The following ST8SIA6 variants were observed in gnomAD, a reference collection of about 807,000 sequenced individuals.
The protein encoded by ST8SIA6 is alpha-2,8-sialyltransferase 8F.
In ST8SIA6, 39 loss-of-function variants were observed where a neutral mutation model predicts 33.6. That is an observed-to-expected ratio of 1.16 (90% CI 0.90 to 1.52). The LOEUF (loss-of-function observed/expected upper bound fraction) is 1.52, where lower values mean the gene tolerates loss of function less well. ST8SIA6 is among the 40% of genes most tolerant of loss of function. ST8SIA6 has a pLI of 0.00. For synonymous variants in ST8SIA6, 172 were observed against 167.2 expected, an observed-to-expected ratio of 1.03 and a Z score of -0.22; for missense variants, 441 against 443.8, an observed-to-expected ratio of 0.99 and a Z score of 0.06.
At chr10:17,453,913 G>A (rs1853018841) in intron 1 of ST8SIA6, among the ~76,000 whole-genome samples, 2 of 152,042 alleles carry the variant, frequency 1.3e-5, no homozygotes, top group Admixed American at 6.5e-5. Context: ...ACAGCGATGC[G>A]CGCTAGAGCC....
chr10:17,321,433 G>T, intron 7 of ST8SIA6, 87 bp from the exon 8 acceptor site: 2 of 1,091,040 alleles, frequency 1.8e-6, no homozygotes, highest in Non-Finnish European at 1.3e-6. Context: ...TTTACCATTG[G>T]TCAAAACACT....
chr10:17,372,973 GA>G (rs1022365289), intron 3 of ST8SIA6, among the ~76,000 whole-genome samples: 1 of 152,100 alleles, frequency 6.6e-6, no homozygotes, highest in African/African-American at 2.4e-5. Flanking sequence ...TATGAACTAT[GA>G]AGGATCACAA....
At chr10:17,417,822 G>A (rs1043692645) in intron 2 of ST8SIA6, among the ~76,000 whole-genome samples, 2 of 152,304 alleles carry the variant, frequency 1.3e-5, no homozygotes, top group East Asian at 1.9e-4. Context: ...AGTTGACAGG[G>A]AATTAATAGA....
At chr10:17,449,946 G>A (rs1852848697) in intron 2 of ST8SIA6, among the ~76,000 whole-genome samples, 1 of 152,202 alleles carries the variant, frequency 6.6e-6, no homozygotes, top group African/African-American at 2.4e-5. Flanking sequence ...TTCTTGGGCA[G>A]CACTCCATCC....
chr10:17,378,836 G>A (rs1485572577), intron 3 of ST8SIA6, among the ~76,000 whole-genome samples: 2 of 152,054 alleles, frequency 1.3e-5, no homozygotes, highest in African/African-American at 4.8e-5. Context: ...ATTAAAGGAG[G>A]GACTTTTCAG....
intron 3 of ST8SIA6, among the ~76,000 whole-genome samples, chr10:17,380,690 G>T (rs1370765521): frequency 6.6e-6 from 1 of 152,120 alleles, no homozygotes. Flanking sequence ...TTTGTGTAAG[G>T]AGCTCCATGA....
intron 4 of ST8SIA6, among the ~76,000 whole-genome samples, chr10:17,352,118 T>C (rs1385900401): frequency 6.6e-6 from 1 of 152,114 alleles, no homozygotes; most frequent in East Asian, 1.9e-4. Flanking sequence ...CCACAGTGTA[T>C]GCATATATCT....
rs144256084 is a variant in ST8SIA6 at position 17,338,640 on chromosome 10, C to G, written c.378-7088G>C. 2.5e-3 allele frequency among the ~76,000 whole-genome samples: 383 copies of G among 152,300 alleles called. 1 individual carries two copies. Among genetic ancestry groups the G allele is most frequent in the African/African-American group, 8.9e-3 (369 of 41,574 alleles). Reference sequence around the variant, plus strand: ...AATGTACATATAAATGCTTCAAAGCCTGTATAACTGAGACATTTGAGGCTC... The same window carrying G: ...AATGTACATATAAATGCTTCAAAGCGTGTATAACTGAGACATTTGAGGCTC... On this transcript the variant is annotated intron_variant, in intron 4 of 7. Coordinates refer to ENST00000377602, the MANE Select transcript of ST8SIA6 (RefSeq NM_001004470.3).
At chr10:17,380,347 G>A (rs568163830) in intron 3 of ST8SIA6, among the ~76,000 whole-genome samples, 9 of 152,244 alleles carry the variant, frequency 5.9e-5, no homozygotes, top group South Asian at 2.1e-4. Flanking sequence ...ACAACCAGCT[G>A]GTGTTAATGT....
chr10:17,390,799 G>GAAAAAAAAA (rs60135551), intron 2 of ST8SIA6, among the ~76,000 whole-genome samples, 179 bp from the exon 3 acceptor site: 1 of 139,458 alleles, frequency 7.2e-6, no homozygotes, highest in African/African-American at 2.7e-5. Flanking sequence ...GGGTCTAAAT[G>GAAAAAAAAA]AAAAAAAAAA....
rs1853006431 is a variant in ST8SIA6 at position 17,453,675 on chromosome 10, A to C, written c.102-18T>G. 2 of 1,298,270 alleles carry C rather than the reference A, an allele frequency of 1.5e-6. No individual in the cohort carries two copies. The highest frequency in any genetic ancestry group is 2.0e-6 in the Non-Finnish European group (2 of 1,014,484). 80.4% of individuals were successfully genotyped at this position (1,298,270 alleles called of 1,614,324 possible). On this transcript the variant is annotated intron_variant, in intron 1 of 7. Coordinates refer to ENST00000377602, the MANE Select transcript of ST8SIA6 (RefSeq NM_001004470.3). Reference sequence around the variant, plus strand: ...CCAGAATCCTGCACAGCCGGGGAGAAAACTTAAGTTGCTACACCCCGCCGG... The same window carrying C: ...CCAGAATCCTGCACAGCCGGGGAGACAACTTAAGTTGCTACACCCCGCCGG...
At chr10:17,332,441 C>A (rs1588791348) in intron 4 of ST8SIA6, among the ~76,000 whole-genome samples, 1 of 152,152 alleles carries the variant, frequency 6.6e-6, no homozygotes, top group East Asian at 1.9e-4. Flanking sequence ...TTCTCCACAG[C>A]CTCACCAGCA....
At chr10:17,444,898 A>G (rs1852648648) in intron 2 of ST8SIA6, among the ~76,000 whole-genome samples, 1 of 152,258 alleles carries the variant, frequency 6.6e-6, no homozygotes, top group African/African-American at 2.4e-5. Flanking sequence ...ATTTAAGCCC[A>G]TTTCAAAGCT....
chr10:17,371,542 T>C (rs1168001367), intron 3 of ST8SIA6, among the ~76,000 whole-genome samples: 1 of 151,720 alleles, frequency 6.6e-6, no homozygotes, highest in Non-Finnish European at 1.5e-5. Context: ...CTCAACACCT[T>C]GGAAGGGAGA....
intron 6 of ST8SIA6, among the ~76,000 whole-genome samples, chr10:17,325,062 T>C (rs1298773245): frequency 7.0e-6 from 1 of 142,060 alleles, no homozygotes; most frequent in African/African-American, 2.5e-5. Flanking sequence ...TGTATACATA[T>C]TATACATATA....
chr10:17,424,581 T>C (rs999196028), intron 2 of ST8SIA6, among the ~76,000 whole-genome samples: 1 of 152,180 alleles, frequency 6.6e-6, no homozygotes, highest in African/African-American at 2.4e-5. Context: ...ACAAACCGTA[T>C]TTTCATTTTA....
intron 2 of ST8SIA6, among the ~76,000 whole-genome samples, chr10:17,394,138 G>C (rs1171590087): frequency 6.6e-6 from 1 of 152,130 alleles, no homozygotes; most frequent in Non-Finnish European, 1.5e-5. Context: ...TTAAATCAGA[G>C]AGGGTATCTT....
At chr10:17,410,188 T>G (rs2131693563) in intron 2 of ST8SIA6, 1 of 152,290 alleles carries the variant, frequency 6.6e-6, no homozygotes, top group African/African-American at 2.4e-5. Flanking sequence ...AGAACAAAGA[T>G]TAGTGCAAAA....
At chr10:17,425,796 A>C (rs1230365371) in intron 2 of ST8SIA6, among the ~76,000 whole-genome samples, 3 of 152,004 alleles carry the variant, frequency 2.0e-5, no homozygotes, top group Non-Finnish European at 4.4e-5. Context: ...TTTAGGAGAT[A>C]ATTGCAGGTA....
Sources: gnomAD v4.1 joint callset for allele counts (sites outside exome capture counted in the v4.1 genomes callset) on GRCh38, gnomAD v4.1.1 for gene constraint, MANE v1.5 for transcripts, NCBI Gene and HGNC (gene_info 2026-07-23, HGNC 2026-07-21) for gene names.